The following ZNF765 variants were observed in gnomAD, a reference collection of about 807,000 sequenced individuals.
ZNF765 encodes zinc finger protein 765.
Under a neutral mutation model 44.7 loss-of-function variants are expected in ZNF765, and 37 were observed. The ratio of observed to expected loss-of-function variants is 0.83; its 90% CI spans 0.64 to 1.09. The LOEUF (loss-of-function observed/expected upper bound fraction) is 1.09. Ranked by LOEUF, ZNF765 falls within the 50% of genes least tolerant of loss-of-function variation. The pLI, the probability that ZNF765 is intolerant of heterozygous loss-of-function variation, is 0.00. For synonymous variants in ZNF765, 201 were observed against 213.7 expected (o/e 0.94, Z 0.52); for missense variants, 594 against 626.1 (o/e 0.95, Z 0.55).
At position 53,408,616 on chromosome 19, in the gene ZNF765, C is replaced by T. The variant is rs1168995021; in HGVS notation, c.1061C>T (p.Pro354Leu). The change falls in exon 4 of 4, where the codon CCT becomes CTT. Residue 354 changes from proline to leucine, a missense_variant. Physicochemically the swap from Pro to Leu is moderately conservative, Grantham distance 98. Coordinates refer to ENST00000396408, the MANE Select transcript of ZNF765 (RefSeq NM_001040185.3). ...CGTAGGCTTCATACTGGAGAGAAAC[C>T]TTACAAGTGTAATGAGTGTGGCAAG... The part of the protein sequence containing the change: ...CHRRLHTGEK[P>L]YKCNECGKTF... 1.9e-6 allele frequency: 3 copies of T among 1,613,708 alleles called. No individual in the cohort carries two copies. The highest frequency in any genetic ancestry group is 2.5e-6 in the Non-Finnish European group (3 of 1,179,882).
chr19:53,404,092 G>C (rs1465259717), intron 3 of ZNF765, among the ~76,000 whole-genome samples: 2 of 152,050 alleles, frequency 1.3e-5, no homozygotes, highest in Non-Finnish European at 2.9e-5. Context: ...TTTCTTTGTT[G>C]ATGAGATGAA....
chr19:53,408,898 G>T lies in ZNF765; in HGVS notation c.1343G>T (p.Ser448Ile). The T allele has an allele frequency of 6.2e-7, 1 of 1,613,306 alleles. No homozygotes were observed. The highest frequency in any genetic ancestry group is 8.5e-7 in the Non-Finnish European group (1 of 1,179,800). The change falls in exon 4 of 4, where the codon AGT becomes ATT. Residue 448 changes from serine to isoleucine, a missense_variant. Coordinates refer to ENST00000396408, the MANE Select transcript of ZNF765 (RefSeq NM_001040185.3). ...TGTGAAGAATGTGACAAAGCCTACA[G>T]TTTCAAATCAAACCTTGAAATACAT... ...YKCEECDKAY[S>I]FKSNLEIHQK...
intron 1 of ZNF765, among the ~76,000 whole-genome samples, chr19:53,397,625 C>T (rs1324738551): frequency 1.3e-5 from 2 of 152,112 alleles, no homozygotes; most frequent in Non-Finnish European, 2.9e-5. Context: ...AAGAGATCTA[C>T]GCACCTCGGC....
At chr19:53,397,157 A>G (rs1157967790) in intron 1 of ZNF765, among the ~76,000 whole-genome samples, 89 of 152,206 alleles carry the variant, frequency 5.8e-4, no homozygotes, top group African/African-American at 2.1e-3. Flanking sequence ...AGTTACTTCT[A>G]TAACAGCCTT....
At chr19:53,420,076 G>C (rs2085898441) in intron 3 of ZNF765, among the ~76,000 whole-genome samples, 1 of 151,712 alleles carries the variant, frequency 6.6e-6, no homozygotes, top group Non-Finnish European at 1.5e-5. Context: ...GCTCATGCCT[G>C]TAATCCCAGC....
At chr19:53,395,367 C>T (rs906036518) in intron 1 of ZNF765, among the ~76,000 whole-genome samples, 174 bp downstream of exon 1, 8 of 152,200 alleles carry the variant, frequency 5.3e-5, no homozygotes, top group Admixed American at 1.3e-4. Flanking sequence ...GGTTTAAGGT[C>T]CCCCTGAGGC....
chr19:53,399,764 C>G (rs566483971), intron 2 of ZNF765, among the ~76,000 whole-genome samples: 4 of 151,982 alleles, frequency 2.6e-5, no homozygotes, highest in African/African-American at 9.6e-5. Context: ...GTTTGTTGTT[C>G]AGGTTATTTC....
chr19:53,408,154 C>A lies in ZNF765; in HGVS notation c.599C>A (p.Ser200Ter). Residue 200 changes from serine (S) to a stop codon, truncating the protein, a stop_gained, in exon 4 of 4, where the codon TCA becomes TAA. Transcript: ENST00000396408. LOFTEE classifies it high-confidence loss of function. Reference protein sequence around the residue: ...NDYGNNFLNSSLFTQKQEVHM... With the variant: ...NDYGNNFLNS ...TATGGGAATAATTTCCTGAATTCTTCATTATTCACACAAAAACAGGAAGTA... is the reference window on the plus strand; with the variant it reads ...TATGGGAATAATTTCCTGAATTCTTAATTATTCACACAAAAACAGGAAGTA... 1 of 1,614,004 alleles carries A rather than the reference C, an allele frequency of 6.2e-7. No homozygotes were observed. The highest frequency in any genetic ancestry group is 1.3e-5 in the African/African-American group (1 of 75,040).
intron 1 of ZNF765, among the ~76,000 whole-genome samples, chr19:53,395,445 C>T (rs2085657532): frequency 1.3e-5 from 2 of 152,358 alleles, no homozygotes; most frequent in South Asian, 4.1e-4. Flanking sequence ...TTTTCCTGCT[C>T]TGAAACTTTT....
In ZNF765 at chr19:53,409,612, C is replaced by T. The variant is rs1207135050; in HGVS notation, c.*485C>T. The T allele has an allele frequency of 4.6e-5, 67 of 1,462,118 alleles. 2 individuals carry two copies. The South Asian group carries it at 7.5e-4, about 16-fold the overall frequency. The allele number at this position is 1,462,118 out of a possible 1,614,324, so 90.6% of individuals were successfully genotyped here. On this transcript the variant is annotated 3_prime_UTR_variant, in exon 4 of 4. Transcript: ENST00000396408. ...AGGAGAATTCATACTGGAGAGAAAC[C>T]ATACAAGTGTAATGAGTGTGGCAAG...
chr19:53,416,276 G>A (rs1324091358), downstream of ZNF765, among the ~76,000 whole-genome samples: 2 of 152,026 alleles, frequency 1.3e-5, no homozygotes, highest in Non-Finnish European at 2.9e-5. Flanking sequence ...CATGGTAGCG[G>A]GTGCCTTTAG....
intron 1 of ZNF765, among the ~76,000 whole-genome samples, chr19:53,395,681 C>A (rs917645035): frequency 6.6e-5 from 10 of 152,226 alleles, no homozygotes; most frequent in African/African-American, 2.4e-4. Flanking sequence ...CTACTGCTCC[C>A]CAGGTTCGCC....
At position 53,409,447 on chromosome 19, in the gene ZNF765, C is replaced by A; in HGVS notation, c.*320C>A. On this transcript the variant is annotated 3_prime_UTR_variant, in exon 4 of 4. Transcript: ENST00000396408. ...TAGGAGAATTCACACTGGTGAGAAA[C>A]CTTACAGGTGTAATGAGTGTGGCAA... The A allele has an allele frequency of 1.2e-6, 1 of 862,684 alleles. No homozygotes were observed. Among genetic ancestry groups the A allele is most frequent in the African/African-American group, 1.7e-5 (1 of 60,310 alleles). The allele number at this position is 862,684 out of a possible 1,614,324, so 53.4% of individuals were successfully genotyped here.
intron 1 of ZNF765, among the ~76,000 whole-genome samples, chr19:53,395,815 G>T (rs1193103018): frequency 6.6e-6 from 1 of 152,162 alleles, no homozygotes; most frequent in Admixed American, 6.6e-5. Flanking sequence ...GGATGCAGGC[G>T]TTTTGCTCCA....
At chr19:53,416,355 G>A (rs115873797), downstream of ZNF765, among the ~76,000 whole-genome samples, 831 of 152,226 alleles carry the variant, frequency 5.5e-3, 11 homozygotes, top group African/African-American at 0.019. Flanking sequence ...GCAGTGAGCC[G>A]AGATCGCACC....
downstream of ZNF765, among the ~76,000 whole-genome samples, chr19:53,414,835 C>T (rs1340406114): frequency 6.6e-6 from 1 of 151,808 alleles, no homozygotes; most frequent in Non-Finnish European, 1.5e-5. Context: ...GTGATGTGTG[C>T]TCTGGCAGGG....
chr19:53,414,491 C>CACACACACACACACACACA (rs1568786159), downstream of ZNF765, among the ~76,000 whole-genome samples: 2 of 15,580 alleles, frequency 1.3e-4, no homozygotes, highest in African/African-American at 2.8e-4. Flanking sequence ...ACACACACAC[C>CACACACACACACACACACA]CCCCCCCCCC....
In ZNF765 at chr19:53,408,684, C is replaced by T; in HGVS notation, c.1129C>T (p.His377Tyr). The T allele has an allele frequency of 6.5e-7, 1 of 1,538,772 alleles. No individual in the cohort carries two copies. The highest frequency in any genetic ancestry group is 2.4e-5 in the East Asian group (1 of 41,426). Reference sequence around the variant, plus strand: ...ACATTTTACATGCCATCATAGAGTTCATACTGGAGAGAAACCTTACAAGTG... The same window carrying T: ...ACATTTTACATGCCATCATAGAGTTTATACTGGAGAGAAACCTTACAAGTG... ...KSHFTCHHRV[H>Y]TGEKPYKCNE... The change falls in exon 4 of 4, where the codon CAT becomes TAT. Residue 377 changes from histidine to tyrosine, a missense_variant. Transcript: ENST00000396408.
At chr19:53,416,089 G>A (rs2085873328), downstream of ZNF765, among the ~76,000 whole-genome samples, 4 of 151,942 alleles carry the variant, frequency 2.6e-5, no homozygotes, top group South Asian at 8.3e-4. Context: ...CGAGTAGCTG[G>A]GATTACAGGC....
Sources: gnomAD v4.1 joint callset for allele counts (sites outside exome capture counted in the v4.1 genomes callset) on GRCh38, gnomAD v4.1.1 for gene constraint, MANE v1.5 for transcripts, NCBI Gene and HGNC (gene_info 2026-07-23, HGNC 2026-07-21) for gene names.